The following SLC29A4 variants were observed in gnomAD, a reference collection of about 807,000 sequenced individuals.
SLC29A4 encodes the protein solute carrier family 29 member 4.
Under a neutral mutation model 43.9 loss-of-function variants are expected in SLC29A4, and 36 were observed. The observed-to-expected ratio is 0.82, with a 90% CI of 0.63 to 1.08. The LOEUF is 1.08. Ranked by LOEUF, SLC29A4 falls within the 50% of genes least tolerant of loss-of-function variation. The pLI is 0.00. For missense variants in SLC29A4, 869 were observed against 755.3 expected, an observed-to-expected ratio of 1.15 and a Z score of -1.77; for synonymous variants, 491 against 338.0, an observed-to-expected ratio of 1.45 and a Z score of -4.97.
chr7:5,297,121 C>T lies in SLC29A4; in HGVS notation c.805C>T (p.His269Tyr), dbSNP rs1785744640. The change falls in exon 7 of 11, where the codon CAC (histidine) becomes TAC (tyrosine). Residue 269 changes from histidine (H) to tyrosine (Y), a missense_variant. Physicochemically the swap from His to Tyr is moderately conservative, Grantham distance 83. Transcript: ENST00000396872. ...CTATACCACACGGCCGCGTGACAGC[C>T]ACCGGGGCAGGCCAGGCCTGGGCAG... Reference protein sequence around the residue: ...LFYTTRPRDSHRGRPGLGRGY... With the variant: ...LFYTTRPRDSYRGRPGLGRGY... 1 of 1,606,746 alleles carries T rather than the reference C, an allele frequency of 6.2e-7. No homozygotes were observed. The highest frequency in any genetic ancestry group is 8.5e-7 in the Non-Finnish European group (1 of 1,179,630).
At chr7:5,294,001 G>A (rs1422798963) in intron 5 of SLC29A4, among the ~76,000 whole-genome samples, 1 of 152,030 alleles carries the variant, frequency 6.6e-6, no homozygotes, top group African/African-American at 2.4e-5. Flanking sequence ...AGTTACTCGG[G>A]AGGCTGAGGC....
At chr7:5,297,683 G>A (rs1785808990) in intron 7 of SLC29A4, among the ~76,000 whole-genome samples, 1 of 152,192 alleles carries the variant, frequency 6.6e-6, no homozygotes. Flanking sequence ...AGGGAAGTCA[G>A]GGCTCAGGGA....
At position 5,297,217 on chromosome 7, in the gene SLC29A4, C is replaced by CCTCTGTTCCCTT. The variant is rs771221798; in HGVS notation, c.882+26_882+37dup. On this transcript the variant is annotated intron_variant, in intron 7 of 10. Coordinates refer to ENST00000396872, the MANE Select transcript of SLC29A4 (RefSeq NM_153247.4). ...CCACTTCGTAAGTGCGCACCGCCCA[C>CCTCTGTTCCCTT]CTCTGTTCCCTTCTCTGTCCCCTTC... 6.5e-7 allele frequency: 1 copy of CCTCTGTTCCCTT among 1,547,638 alleles called. No individual in the cohort carries two copies. The highest frequency in any genetic ancestry group is 1.2e-5 in the South Asian group (1 of 84,850).
chr7:5,284,032 ACCCCC>A lies in SLC29A4; in HGVS notation c.-9+957_-9+961del, dbSNP rs79051188. Among the ~76,000 whole-genome samples, 150 of 72,336 alleles carry A rather than the reference ACCCCC, an allele frequency of 2.1e-3. 3 individuals are homozygous for A. Among genetic ancestry groups the A allele is most frequent in the Non-Finnish European group, 3.4e-3 (116 of 33,910 alleles). The allele number at this position is 72,336 out of a possible 152,430, so 47.5% of individuals were successfully genotyped here. Reference sequence around the variant, plus strand: ...GCCAGGCTCCAGTCTGAGCTGCACGACCCCCCCCCCCACCCCCGACTTGGCCTCTC... The same window carrying A: ...GCCAGGCTCCAGTCTGAGCTGCACGACCCCCCACCCCCGACTTGGCCTCTC... On this transcript the variant is annotated intron_variant, in intron 1 of 10. Coordinates refer to ENST00000396872, the MANE Select transcript of SLC29A4 (RefSeq NM_153247.4).
Position 5,287,883 on chromosome 7 carries a change from G to A in SLC29A4, c.67G>A (p.Val23Met). The change falls in exon 2 of 11, where the codon GTG becomes ATG. Residue 23 changes from valine to methionine, a missense_variant. Coordinates refer to ENST00000396872, the MANE Select transcript of SLC29A4 (RefSeq NM_153247.4). Reference protein sequence around the residue: ...SVAGTPDPGVVMSFTFDSHQL... With the variant: ...SVAGTPDPGVMMSFTFDSHQL... ...GGCAGGCACACCAGACCCGGGCGTAGTGATGAGCTTCACCTTCGACAGTCA... is the reference window on the plus strand; with the variant it reads ...GGCAGGCACACCAGACCCGGGCGTAATGATGAGCTTCACCTTCGACAGTCA... The A allele has an allele frequency of 6.2e-7, 1 of 1,612,080 alleles. No individual in the cohort carries two copies. The highest frequency in any genetic ancestry group is 1.1e-5 in the South Asian group (1 of 91,012).
chr7:5,291,004 C>T (rs1267713731), intron 3 of SLC29A4, 120 bp from the exon 4 acceptor site: 22 of 1,527,394 alleles, frequency 1.4e-5, no homozygotes, highest in South Asian at 2.4e-5. Context: ...TGCTGAGTGA[C>T]CTCAGGGCAG....
Position 5,296,784 on chromosome 7 carries a change from G to C in SLC29A4, c.620-152G>C, listed in dbSNP as rs1785703706. On this transcript the variant is annotated intron_variant, in intron 6 of 10. Coordinates refer to ENST00000396872, the MANE Select transcript of SLC29A4 (RefSeq NM_153247.4). The stretch of plus-strand genomic sequence containing the variant: ...GCCTGTGGGTGGGGGCAGGGCCTGT[G>C]GTGGAGGGCGGGGCCTGTGGGTGGG... 6.3e-5 allele frequency: 54 copies of C among 856,962 alleles called. 2 individuals are homozygous for C. In the South Asian group the frequency reaches 1.1e-3, roughly 17 times the overall value. 53.1% of individuals were successfully genotyped at this position (856,962 alleles called of 1,614,324 possible). A position where few individuals can be genotyped will look rare whatever the true frequency, so the allele number is the denominator to read the frequency against.
chr7:5,291,200 G>A lies in SLC29A4; in HGVS notation c.378G>A (p.Leu126=), dbSNP rs769153457. 2.5e-6 allele frequency: 4 copies of A among 1,613,548 alleles called. No individual in the cohort carries two copies. Among genetic ancestry groups the A allele is most frequent in the Non-Finnish European group, 3.4e-6 (4 of 1,180,016 alleles). The change falls in exon 4 of 11, where the codon CTG becomes CTA. Residue 126 remains leucine, a synonymous_variant. Coordinates refer to ENST00000396872, the MANE Select transcript of SLC29A4 (RefSeq NM_153247.4). ...CAGCTGTCCTCCTGAACAACGTCCT[G>A]GTGGAGAGACTGACCCTGCACACCA... is the stretch of plus-strand genomic sequence containing the variant. The part of the protein sequence containing the change: ...ALAAVLLNNV[L]VERLTLHTRI...
intron 7 of SLC29A4, 147 bp downstream of exon 7, chr7:5,297,345 C>G (rs771987361): frequency 3.0e-6 from 3 of 989,568 alleles, no homozygotes; most frequent in Non-Finnish European, 4.3e-6. Flanking sequence ...CTGCCAGCCT[C>G]CTTTATTCTG....
chr7:5,299,508 G>A, intron 9 of SLC29A4, 81 bp downstream of exon 9: 1 of 1,439,628 alleles, frequency 6.9e-7, no homozygotes, highest in Non-Finnish European at 9.4e-7. Flanking sequence ...TCCGGGAAGG[G>A]TTCTGAGTGA....
intron 1 of SLC29A4, among the ~76,000 whole-genome samples, chr7:5,284,389 C>T (rs1357464838): frequency 1.3e-5 from 2 of 152,200 alleles, no homozygotes; most frequent in Admixed American, 1.3e-4. Context: ...TACTCTCACC[C>T]TCTTCTTCCT....
chr7:5,305,232 T>C lies in SLC29A4; in HGVS notation c.*2293T>C, dbSNP rs1786423232. 1 of 152,312 alleles carries C rather than the reference T, an allele frequency of 6.6e-6. No individual in the cohort carries two copies. 9.4% of individuals were successfully genotyped at this position (152,312 alleles called of 1,614,324 possible). ...GCAGGCATCCTCCCTGGGGCCCAGG[T>C]GGGCGGCCACTTGGGCCAAGACTGC... is the stretch of plus-strand genomic sequence containing the variant. On this transcript the variant is annotated 3_prime_UTR_variant, in exon 11 of 11. Coordinates refer to ENST00000396872, the MANE Select transcript of SLC29A4 (RefSeq NM_153247.4).
intron 6 of SLC29A4, 31 bp from the exon 7 acceptor site, chr7:5,296,905 C>G: frequency 6.4e-7 from 1 of 1,557,066 alleles, no homozygotes; most frequent in Non-Finnish European, 8.6e-7. Context: ...CTGGGCGGAT[C>G]AGGCCCCGGC....
chr7:5,293,109 A>C (rs1283294619), intron 5 of SLC29A4, among the ~76,000 whole-genome samples: 1 of 147,870 alleles, frequency 6.8e-6, no homozygotes, highest in Non-Finnish European at 1.5e-5. Context: ...GTTTCATGGT[A>C]GTGACATTTT....
Position 5,287,997 on chromosome 7 carries a change from T to G in SLC29A4, c.169+12T>G, listed in dbSNP as rs765449113. On this transcript the variant is annotated intron_variant, in intron 2 of 10. Transcript: ENST00000396872. ...TTTCACGGATACTAGTAAGTAGGCG[T>G]GCGGGCAAGGTGCGGGTCTTGCCCC... The G allele has an allele frequency of 2.5e-6, 4 of 1,603,510 alleles. No homozygotes were observed. In the South Asian group the frequency reaches 4.4e-5, roughly 18 times the overall value.
intron 3 of SLC29A4, 30 bp from the exon 4 acceptor site, chr7:5,291,094 T>C (rs368196054): frequency 3.0e-5 from 48 of 1,608,662 alleles, no homozygotes; most frequent in Non-Finnish European, 3.8e-5. Flanking sequence ...GGGGCCTCCC[T>C]GAGCACCTGC....
intron 1 of SLC29A4, among the ~76,000 whole-genome samples, chr7:5,286,321 G>A (rs1292467719): frequency 2.0e-5 from 3 of 152,028 alleles, no homozygotes; most frequent in Non-Finnish European, 2.9e-5. Flanking sequence ...TCAAGAGGTC[G>A]AGACCATCCT....
At chr7:5,301,545 T>C (rs1329800427) in intron 10 of SLC29A4, among the ~76,000 whole-genome samples, 2 of 152,130 alleles carry the variant, frequency 1.3e-5, no homozygotes, top group Admixed American at 6.5e-5. Context: ...GGCCAGGGGA[T>C]GGAGCAGAAG....
intron 5 of SLC29A4, among the ~76,000 whole-genome samples, chr7:5,293,397 C>G (rs186901934): frequency 4.3e-4 from 65 of 151,706 alleles, no homozygotes; most frequent in African/African-American, 1.5e-3. Context: ...CTCTCGAACT[C>G]CTGACCTTGT....
Sources: allele counts gnomAD v4.1 joint callset (sites outside exome capture counted in the v4.1 genomes callset), GRCh38; gene constraint gnomAD v4.1.1; transcripts MANE v1.5; gene names NCBI Gene and HGNC (gene_info 2026-07-23, HGNC 2026-07-21).